The following PIP4K2A variants were observed in gnomAD, a reference collection of about 807,000 sequenced individuals.
PIP4K2A encodes phosphatidylinositol-5-phosphate 4-kinase type 2 alpha, also known as phosphatidylinositol 5-phosphate 4-kinase type-2 alpha.
A neutral mutation model predicts 42.9 loss-of-function variants in PIP4K2A; 14 were observed. The ratio of observed to expected loss-of-function variants is 0.33; its 90% CI spans 0.22 to 0.51. The LOEUF (loss-of-function observed/expected upper bound fraction) is 0.51. Among genes scored for constraint, PIP4K2A ranks in the 20% least tolerant of loss-of-function variants. The probability of loss-of-function intolerance (pLI) is 0.97; values close to 1 mark genes in which losing one functional copy is unlikely to be tolerated. For synonymous variants in PIP4K2A, 192 were observed against 192.2 expected, an observed-to-expected ratio of 1.00 and a Z score of 0.01; for missense variants, 434 against 519.8, an observed-to-expected ratio of 0.83 and a Z score of 1.61.
intron 6 of PIP4K2A, chr10:22,567,519 C>A: frequency 1.9e-6 from 1 of 531,060 alleles, no homozygotes; most frequent in Non-Finnish European, 3.6e-6. Flanking sequence ...GGTTCCCTGA[C>A]CCGCAGGAAC....
At chr10:22,690,798 C>G (rs1007942524) in intron 1 of PIP4K2A, among the ~76,000 whole-genome samples, 1 of 152,184 alleles carries the variant, frequency 6.6e-6, no homozygotes, top group Non-Finnish European at 1.5e-5. Flanking sequence ...AGTCTGGCCC[C>G]AAGGCTAGCC....
chr10:22,649,715 C>A (rs1339176897), intron 1 of PIP4K2A, among the ~76,000 whole-genome samples: 1 of 152,186 alleles, frequency 6.6e-6, no homozygotes, highest in East Asian at 1.9e-4. Context: ...ACGGGGTGGA[C>A]AGCTACATAA....
At chr10:22,619,685 C>T (rs981729022) in intron 1 of PIP4K2A, among the ~76,000 whole-genome samples, 1 of 152,122 alleles carries the variant, frequency 6.6e-6, no homozygotes, top group Non-Finnish European at 1.5e-5. Flanking sequence ...GATCCACCCG[C>T]GTTGGCCTCC....
chr10:22,609,606 A>G lies in PIP4K2A; in HGVS notation c.242+14T>C. On this transcript the variant is annotated intron_variant, in intron 2 of 9. Coordinates refer to ENST00000376573, the MANE Select transcript of PIP4K2A (RefSeq NM_005028.5). ...AGCCACGCTAGTCTTATGAAAGGTCATACTTGTACTTACTTGTTAAAAAGG... is the reference window on the plus strand; with the variant it reads ...AGCCACGCTAGTCTTATGAAAGGTCGTACTTGTACTTACTTGTTAAAAAGG... 1.4e-6 allele frequency: 2 copies of G among 1,419,242 alleles called. No homozygotes were observed. The highest frequency in any genetic ancestry group is 1.2e-5 in the South Asian group (1 of 86,582). 87.9% of individuals were successfully genotyped at this position (1,419,242 alleles called of 1,614,324 possible). A position where few individuals can be genotyped will look rare whatever the true frequency, so the allele number is the denominator to read the frequency against.
At chr10:22,599,164 T>C (rs1837696984) in intron 3 of PIP4K2A, among the ~76,000 whole-genome samples, 1 of 152,248 alleles carries the variant, frequency 6.6e-6, no homozygotes, top group African/African-American at 2.4e-5. Context: ...CCTTGAGATA[T>C]GACTCACATA....
intron 3 of PIP4K2A, among the ~76,000 whole-genome samples, chr10:22,596,874 T>C (rs1837646839): frequency 6.6e-6 from 1 of 152,200 alleles, no homozygotes; most frequent in South Asian, 2.1e-4. Context: ...AGAGCCTCCA[T>C]CTCCCCCTGC....
At chr10:22,677,486 C>A (rs1839581848) in intron 1 of PIP4K2A, among the ~76,000 whole-genome samples, 1 of 152,196 alleles carries the variant, frequency 6.6e-6, no homozygotes, top group Non-Finnish European at 1.5e-5. Flanking sequence ...CAACTCCCTG[C>A]AGATAGCCAC....
intron 4 of PIP4K2A, 100 bp from the exon 5 acceptor site, chr10:22,573,557 A>G: frequency 9.7e-7 from 1 of 1,027,552 alleles, no homozygotes; most frequent in Non-Finnish European, 1.4e-6. Context: ...CAAAGTGAAA[A>G]CCTCCAGCCA....
chr10:22,664,150 T>TATACATATATATAC (rs1839286959), intron 1 of PIP4K2A, among the ~76,000 whole-genome samples: 2 of 21,742 alleles, frequency 9.2e-5, no homozygotes, highest in Admixed American at 7.4e-4. Flanking sequence ...TACATATATA[T>TATACATATATATAC]ACACATATAT....
At chr10:22,649,735 T>C (rs1838954402) in intron 1 of PIP4K2A, among the ~76,000 whole-genome samples, 1 of 152,136 alleles carries the variant, frequency 6.6e-6, no homozygotes, top group African/African-American at 2.4e-5. Flanking sequence ...ATGGGACAGA[T>C]TTACTCAGTA....
At chr10:22,676,454 G>A (rs887539776) in intron 1 of PIP4K2A, among the ~76,000 whole-genome samples, 2 of 151,990 alleles carry the variant, frequency 1.3e-5, no homozygotes, top group East Asian at 1.9e-4. Context: ...ACTGCTTGAA[G>A]AAAATAGCAT....
At chr10:22,693,221 T>C (rs1288718290) in intron 1 of PIP4K2A, among the ~76,000 whole-genome samples, 1 of 152,238 alleles carries the variant, frequency 6.6e-6, no homozygotes, top group Admixed American at 6.5e-5. Flanking sequence ...TCAATTTCCT[T>C]AACCAGGACT....
At chr10:22,589,455 A>C (rs1465131416) in intron 4 of PIP4K2A, among the ~76,000 whole-genome samples, 1 of 152,182 alleles carries the variant, frequency 6.6e-6, no homozygotes, top group Non-Finnish European at 1.5e-5. Context: ...AAAGGAATAG[A>C]TATTATAAAA....
At chr10:22,612,439 A>C (rs754281155) in intron 1 of PIP4K2A, among the ~76,000 whole-genome samples, 3 of 152,208 alleles carry the variant, frequency 2.0e-5, no homozygotes, top group Non-Finnish European at 2.9e-5. Context: ...TCCAGGAAGA[A>C]GGCGAGTCCT....
At chr10:22,578,417 G>A (rs1001171008) in intron 4 of PIP4K2A, among the ~76,000 whole-genome samples, 15 of 152,068 alleles carry the variant, frequency 9.9e-5, no homozygotes, top group Admixed American at 6.6e-4. Flanking sequence ...ATGCTTCTCC[G>A]CCTTTCTCTC....
intron 1 of PIP4K2A, among the ~76,000 whole-genome samples, chr10:22,664,116 C>CAT (rs751644558): frequency 5.0e-4 from 25 of 50,486 alleles, no homozygotes; most frequent in South Asian, 1.3e-3. Context: ...TATATATATA[C>CAT]ATATATATAT....
chr10:22,714,103 A>C (rs954204262), intron 1 of PIP4K2A, 80 bp downstream of exon 1: 4 of 1,361,060 alleles, frequency 2.9e-6, no homozygotes, highest in Non-Finnish European at 4.0e-6. Flanking sequence ...GCCCCGCAGC[A>C]GCTGCAGCCG....
At chr10:22,608,096 A>G in intron 2 of PIP4K2A, 73 bp from the exon 3 acceptor site, 3 of 959,512 alleles carry the variant, frequency 3.1e-6, no homozygotes, top group Non-Finnish European at 5.0e-6. Context: ...ACTGAGTTCC[A>G]CAGGTAGCCA....
chr10:22,598,167 G>A (rs546011411), intron 3 of PIP4K2A, among the ~76,000 whole-genome samples: 1 of 152,148 alleles, frequency 6.6e-6, no homozygotes, highest in South Asian at 2.1e-4. Context: ...GGACCAGCCT[G>A]GGCAGCATAG....
Sources: gnomAD v4.1 joint callset for allele counts (sites outside exome capture counted in the v4.1 genomes callset) on GRCh38, gnomAD v4.1.1 for gene constraint, MANE v1.5 for transcripts, NCBI Gene and HGNC (gene_info 2026-07-23, HGNC 2026-07-21) for gene names.